Variants in SUGCT observed in about 807,000 individuals in gnomAD.
SUGCT encodes succinyl-CoA:glutarate-CoA transferase, also known as succinyl-CoA:glutarate CoA-transferase.
In SUGCT, 41 loss-of-function variants were observed where a neutral mutation model predicts 55.0. The observed-to-expected ratio is 0.74, with a 90% confidence interval of 0.58 to 0.97. The LOEUF (loss-of-function observed/expected upper bound fraction) is 0.97, where lower values mean the gene tolerates loss of function less well. Among genes scored for constraint, SUGCT ranks in the 50% least tolerant of loss-of-function variants. The pLI is 0.00. For synonymous variants in SUGCT, 187 were observed against 200.4 expected, an observed-to-expected ratio of 0.93 and a Z score of 0.56; for missense variants, 568 against 547.8, an observed-to-expected ratio of 1.04 and a Z score of -0.37.
At chr7:40,345,285 C>T (rs1391415459) in intron 9 of SUGCT, among the ~76,000 whole-genome samples, 1 of 152,148 alleles carries the variant, frequency 6.6e-6, no homozygotes, top group East Asian at 1.9e-4. Context: ...CAGTCCCTTT[C>T]CTCCCCTACG....
chr7:40,559,308 G>T (rs546570270), intron 12 of SUGCT, among the ~76,000 whole-genome samples: 1 of 152,340 alleles, frequency 6.6e-6, no homozygotes, highest in South Asian at 2.1e-4. Context: ...CTCCAATTTA[G>T]CTTTGGCAAT....
the SUGCT span, among the ~76,000 whole-genome samples, chr7:40,907,089 T>C: frequency 2.9e-5 from 4 of 138,772 alleles, no homozygotes; most frequent in South Asian, 9.5e-4. Flanking sequence ...GAAATATTTG[T>C]TCTGATAGTG....
the SUGCT span, among the ~76,000 whole-genome samples, chr7:40,963,725 G>A: frequency 7.4e-6 from 1 of 135,944 alleles, no homozygotes; most frequent in Non-Finnish European, 1.6e-5. Flanking sequence ...AGTCATCAAT[G>A]TGTATTCATT....
intron 12 of SUGCT, among the ~76,000 whole-genome samples, chr7:40,583,667 G>A (rs756797676): frequency 2.0e-5 from 3 of 152,116 alleles, no homozygotes; most frequent in Admixed American, 1.3e-4. Flanking sequence ...AATTGGCAAA[G>A]TATCTTATGG....
chr7:40,144,526 C>T (rs1489180868), intron 1 of SUGCT, among the ~76,000 whole-genome samples: 1 of 152,036 alleles, frequency 6.6e-6, no homozygotes, highest in Non-Finnish European at 1.5e-5. Context: ...TAGGGTCCTT[C>T]CCAGGGTGGC....
chr7:40,579,078 T>C (rs66582232), intron 12 of SUGCT, among the ~76,000 whole-genome samples: 21,265 of 152,028 alleles, frequency 0.14, 1,600 homozygotes, highest in Middle Eastern at 0.21. Context: ...ACAGACAAAA[T>C]AGTAATCCTT....
At chr7:40,299,110 T>C (rs1794363824) in intron 8 of SUGCT, among the ~76,000 whole-genome samples, 2 of 152,218 alleles carry the variant, frequency 1.3e-5, no homozygotes, top group South Asian at 4.1e-4. Context: ...GACTTGATTT[T>C]TTTCCCCATG....
chr7:40,445,224 A>C (rs1326207522), intron 9 of SUGCT, among the ~76,000 whole-genome samples: 3 of 152,164 alleles, frequency 2.0e-5, no homozygotes, highest in Non-Finnish European at 4.4e-5. Context: ...CTTTTTGAAA[A>C]GATCAACAAA....
At chr7:40,180,592 T>G (rs367590280) in intron 1 of SUGCT, among the ~76,000 whole-genome samples, 5 of 151,124 alleles carry the variant, frequency 3.3e-5, no homozygotes, top group African/African-American at 1.2e-4. Flanking sequence ...TGGGTTCAAG[T>G]GATTCTCCTG....
the SUGCT span, among the ~76,000 whole-genome samples, chr7:40,923,116 G>A: frequency 0.015 from 2,280 of 152,288 alleles, 54 homozygotes; most frequent in African/African-American, 0.05. Flanking sequence ...AGACTCCTTA[G>A]CCTATAAATG....
At chr7:40,147,460 C>T in intron 1 of SUGCT, among the ~76,000 whole-genome samples, 1 of 152,230 alleles carries the variant, frequency 6.6e-6, no homozygotes. Context: ...CTAGTCCCGA[C>T]TAAGGAATGC....
At chr7:40,609,267 G>A (rs1798659389) in intron 12 of SUGCT, among the ~76,000 whole-genome samples, 1 of 152,072 alleles carries the variant, frequency 6.6e-6, no homozygotes, top group Non-Finnish European at 1.5e-5. Context: ...GCTTCTCACT[G>A]CATGGGAAGT....
the SUGCT span, among the ~76,000 whole-genome samples, chr7:40,875,171 T>G: frequency 6.6e-6 from 1 of 152,232 alleles, no homozygotes; most frequent in African/African-American, 2.4e-5. Flanking sequence ...GTCTCACACA[T>G]CTTTTGTATT....
chr7:40,223,756 T>G (rs1788177050), intron 6 of SUGCT, among the ~76,000 whole-genome samples: 1 of 152,204 alleles, frequency 6.6e-6, no homozygotes, highest in African/African-American at 2.4e-5. Context: ...TTTTATTCTG[T>G]TCTTTCATTT....
the SUGCT span, among the ~76,000 whole-genome samples, chr7:40,883,588 A>G: frequency 2.0e-5 from 3 of 152,230 alleles, no homozygotes; most frequent in African/African-American, 4.8e-5. Context: ...TGACTGAGTG[A>G]CACAATACAT....
chr7:40,257,168 C>T (rs1239626736), intron 7 of SUGCT, among the ~76,000 whole-genome samples: 1 of 152,138 alleles, frequency 6.6e-6, no homozygotes, highest in African/African-American at 2.4e-5. Context: ...CCTCAGCCTC[C>T]CGAGTAGCTG....
chr7:40,721,398 A>G (rs1000925869), intron 12 of SUGCT, among the ~76,000 whole-genome samples: 1 of 152,164 alleles, frequency 6.6e-6, no homozygotes, highest in Non-Finnish European at 1.5e-5. Context: ...AAGCCTTTTG[A>G]ATAGTTTGCT....
the SUGCT span, among the ~76,000 whole-genome samples, chr7:40,951,225 A>G: frequency 1.3e-5 from 2 of 152,162 alleles, no homozygotes; most frequent in Non-Finnish European, 2.9e-5. Flanking sequence ...CATTTCTTCT[A>G]GATTTTCTAG....
At chr7:40,372,949 A>G (rs893433622) in intron 9 of SUGCT, among the ~76,000 whole-genome samples, 26 of 152,036 alleles carry the variant, frequency 1.7e-4, no homozygotes, top group African/African-American at 6.0e-4. Context: ...TGTAAGACAA[A>G]TATATACAGA....
Sources: allele counts gnomAD v4.1 joint callset (sites outside exome capture counted in the v4.1 genomes callset), GRCh38; gene constraint gnomAD v4.1.1; transcripts MANE v1.5; gene names NCBI Gene and HGNC (gene_info 2026-07-23, HGNC 2026-07-21).